Variants in IGSF11 observed in about 807,000 individuals in gnomAD.
IGSF11 encodes the protein immunoglobulin superfamily member 11, also known as CXADR like 1.
A neutral mutation model predicts 41.0 loss-of-function variants in IGSF11; 22 were observed. The observed-to-expected ratio is 0.54, with a 90% CI of 0.38 to 0.77. The LOEUF (loss-of-function observed/expected upper bound fraction) is 0.77, where lower values mean the gene tolerates loss of function less well. Ranked by LOEUF, IGSF11 falls within the 30% of genes least tolerant of loss-of-function variation. The pLI is 0.00. For synonymous variants in IGSF11, 219 were observed against 201.3 expected (o/e 1.09, Z -0.74); for missense variants, 444 against 530.8 (o/e 0.84, Z 1.61).
chr3:118,973,800 C>T (rs111777942), intron 1 of IGSF11, among the ~76,000 whole-genome samples: 1 of 152,068 alleles, frequency 6.6e-6, no homozygotes, highest in African/African-American at 2.4e-5. Context: ...GAGATGAACA[C>T]GACACATTTT....
Position 119,111,105 on chromosome 3 carries a change from T to C in IGSF11, c.-13-5900A>G, listed in dbSNP as rs1470254530. Among the ~76,000 whole-genome samples the C allele has an allele frequency of 3.3e-5, 5 of 152,270 alleles. No homozygotes were observed. The East Asian group carries it at 9.6e-4, about 29-fold the overall frequency. ...CTTCTCGAGGAGTATCTTTATGGCG[T>C]TCTCTGTATTTCCTGTATCTGAATG... On this transcript the variant is annotated intron_variant, in intron 1 of 7. Coordinates refer to the IGSF11 transcript ENST00000425327.
chr3:119,091,269 T>C (rs903058716), intron 1 of IGSF11, among the ~76,000 whole-genome samples: 9 of 152,344 alleles, frequency 5.9e-5, no homozygotes, highest in African/African-American at 2.2e-4. Flanking sequence ...TGTAAATTAG[T>C]TCAGCTTCTG....
intron 1 of IGSF11, chr3:118,949,187 C>T: frequency 6.6e-6 from 1 of 152,000 alleles, no homozygotes; most frequent in Non-Finnish European, 1.5e-5. Context: ...CCACCAAGAC[C>T]ATCTGTCCCA....
chr3:118,972,810 C>T (rs1933596626), intron 1 of IGSF11, among the ~76,000 whole-genome samples: 1 of 152,108 alleles, frequency 6.6e-6, no homozygotes, highest in African/African-American at 2.4e-5. Context: ...CCCTGAAGAA[C>T]TAAAATATAG....
At chr3:118,991,772 T>C (rs999451903) in intron 1 of IGSF11, among the ~76,000 whole-genome samples, 1 of 152,272 alleles carries the variant, frequency 6.6e-6, no homozygotes, top group Middle Eastern at 3.4e-3. Flanking sequence ...AAATTCTCAA[T>C]CAGTGCCTAC....
chr3:119,114,398 C>A (rs2107523884), intron 1 of IGSF11, among the ~76,000 whole-genome samples: 2 of 152,346 alleles, frequency 1.3e-5, no homozygotes, highest in Middle Eastern at 3.4e-3. Context: ...CCAGTTCACT[C>A]TTGAACATTT....
At chr3:119,069,632 G>A (rs1419952450) in intron 1 of IGSF11, among the ~76,000 whole-genome samples, 1 of 151,922 alleles carries the variant, frequency 6.6e-6, no homozygotes, top group Non-Finnish European at 1.5e-5. Context: ...CATTTTCACA[G>A]TAAATAGAAA....
chr3:119,084,435 T>A, intron 1 of IGSF11, among the ~76,000 whole-genome samples: 1 of 152,086 alleles, frequency 6.6e-6, no homozygotes, highest in Non-Finnish European at 1.5e-5. Flanking sequence ...CCCCCATAGA[T>A]GCTTGAGCTA....
intron 1 of IGSF11, among the ~76,000 whole-genome samples, chr3:119,135,968 A>T (rs1250674474): frequency 6.6e-6 from 1 of 152,242 alleles, no homozygotes; most frequent in Admixed American, 6.5e-5. Context: ...CAAGGACAGA[A>T]AACCAAACAC....
chr3:119,118,896 CTG>C (rs201530868), intron 1 of IGSF11, among the ~76,000 whole-genome samples: 7,178 of 152,286 alleles, frequency 0.047, 239 homozygotes, highest in Non-Finnish European at 0.072. Context: ...CCACCAGTCT[CTG>C]TGCTAAAATG....
At chr3:119,095,720 A>G (rs942028592) in intron 1 of IGSF11, among the ~76,000 whole-genome samples, 5 of 152,222 alleles carry the variant, frequency 3.3e-5, no homozygotes, top group African/African-American at 1.2e-4. Flanking sequence ...CTACACATGC[A>G]GTAGGTTGCT....
intron 1 of IGSF11, among the ~76,000 whole-genome samples, chr3:118,931,977 G>A (rs1287721840): frequency 6.6e-6 from 1 of 151,990 alleles, no homozygotes; most frequent in Non-Finnish European, 1.5e-5. Context: ...TCGTGATCTG[G>A]CCACCTTGGC....
chr3:119,105,484 C>T (rs1442573735), upstream of IGSF11, among the ~76,000 whole-genome samples: 1 of 152,108 alleles, frequency 6.6e-6, no homozygotes, highest in Non-Finnish European at 1.5e-5. Context: ...AGAATGGATA[C>T]TACTTTTCCA....
At chr3:119,053,228 T>A (rs142259848) in intron 1 of IGSF11, among the ~76,000 whole-genome samples, 11 of 152,176 alleles carry the variant, frequency 7.2e-5, no homozygotes, top group Non-Finnish European at 1.6e-4. Context: ...GATTTGCTGC[T>A]GTTTTCTAGG....
chr3:119,057,755 G>T (rs370956956), intron 1 of IGSF11, among the ~76,000 whole-genome samples: 24 of 152,134 alleles, frequency 1.6e-4, no homozygotes, highest in Non-Finnish European at 3.1e-4. Flanking sequence ...AAACAGCATG[G>T]TACTGGTACC....
Position 118,902,413 on chromosome 3 carries a change from A to T in IGSF11, c.*107T>A. On this transcript the variant is annotated 3_prime_UTR_variant, in exon 7 of 7. Transcript: ENST00000393775. ...GCCTTCTTCTTTGTGCATTTTACTAATATAATTATAAGGAAGTGTTTCTTT... is the reference window on the plus strand; with the variant it reads ...GCCTTCTTCTTTGTGCATTTTACTATTATAATTATAAGGAAGTGTTTCTTT... 1 of 847,940 alleles carries T rather than the reference A, an allele frequency of 1.2e-6. No individual in the cohort carries two copies. The highest frequency in any genetic ancestry group is 2.5e-5 in the East Asian group (1 of 40,762). The allele number at this position is 847,940 out of a possible 1,614,324, so 52.5% of individuals were successfully genotyped here.
intron 1 of IGSF11, among the ~76,000 whole-genome samples, chr3:118,985,345 C>T (rs990710663): frequency 3.3e-5 from 5 of 152,146 alleles, no homozygotes; most frequent in Non-Finnish European, 5.9e-5. Flanking sequence ...TTAACGACAG[C>T]TTCATTTGTG....
intron 1 of IGSF11, among the ~76,000 whole-genome samples, chr3:119,097,986 T>TA (rs2076882509): frequency 7.0e-6 from 1 of 143,564 alleles, no homozygotes; most frequent in Non-Finnish European, 1.5e-5. Flanking sequence ...TTTTTTTTTT[T>TA]AGAGACAGGG....
intron 1 of IGSF11, among the ~76,000 whole-genome samples, chr3:118,988,083 G>A (rs1935433161): frequency 6.6e-6 from 1 of 152,168 alleles, no homozygotes; most frequent in Non-Finnish European, 1.5e-5. Flanking sequence ...GTCAACCAAC[G>A]TTAATAGGGC....
Sources: gnomAD v4.1 joint callset for allele counts (sites outside exome capture counted in the v4.1 genomes callset) on GRCh38, gnomAD v4.1.1 for gene constraint, MANE v1.5 for transcripts, NCBI Gene and HGNC (gene_info 2026-07-23, HGNC 2026-07-21) for gene names.